The following RMND5A variants were observed in gnomAD, a reference collection of about 807,000 sequenced individuals.
The protein encoded by RMND5A is E3 ubiquitin-protein transferase RMND5A.
In RMND5A, 17 loss-of-function variants were observed where a neutral mutation model predicts 49.7. The observed-to-expected ratio is 0.34, with a 90% CI of 0.23 to 0.51. The LOEUF is 0.51. Ranked by LOEUF, RMND5A falls within the 20% of genes least tolerant of loss-of-function variation. RMND5A has a pLI of 0.96. For missense variants in RMND5A, 255 were observed against 471.3 expected, an observed-to-expected ratio of 0.54 and a Z score of 4.25; for synonymous variants, 156 against 167.7, an observed-to-expected ratio of 0.93 and a Z score of 0.54.
In RMND5A at chr2:86,775,708, C is replaced by T. The variant is rs1377082866; in HGVS notation, c.*2297C>T. The T allele has an allele frequency of 6.6e-6, 1 of 152,178 alleles. No individual in the cohort carries two copies. Among genetic ancestry groups the T allele is most frequent in the Non-Finnish European group, 1.5e-5 (1 of 68,034 alleles). 9.4% of individuals were successfully genotyped at this position (152,178 alleles called of 1,614,324 possible). A position where few individuals can be genotyped will look rare whatever the true frequency, so the allele number is the denominator to read the frequency against. ...CAGGGTGAGGACCAAAAATCTGAAA[C>T]TCTTATGAATCTGACATATTATATG... On this transcript the variant is annotated 3_prime_UTR_variant, in exon 9 of 9. Coordinates refer to ENST00000283632, the MANE Select transcript of RMND5A (RefSeq NM_022780.4).
chr2:86,740,852 A>G (rs1380846534), intron 1 of RMND5A, 75 bp from the exon 2 acceptor site: 1 of 1,491,720 alleles, frequency 6.7e-7, no homozygotes, highest in African/African-American at 1.4e-5. Context: ...TTCATGGTCC[A>G]AAAGGCCCAT....
chr2:86,775,640 G>T lies in RMND5A; in HGVS notation c.*2229G>T, dbSNP rs1041164692. On this transcript the variant is annotated 3_prime_UTR_variant, in exon 9 of 9. Coordinates refer to ENST00000283632, the MANE Select transcript of RMND5A (RefSeq NM_022780.4). Reference sequence around the variant, plus strand: ...AGAACATGCTTTAACTGAAGCATTGGACTCTGCAGCTTTCTGTGTAAGGCC... The same window carrying T: ...AGAACATGCTTTAACTGAAGCATTGTACTCTGCAGCTTTCTGTGTAAGGCC... 6.6e-6 allele frequency: 1 copy of T among 152,174 alleles called. No individual in the cohort carries two copies. The highest frequency in any genetic ancestry group is 1.5e-5 in the Non-Finnish European group (1 of 68,032). The allele number at this position is 152,174 out of a possible 1,614,324, so 9.4% of individuals were successfully genotyped here. A position where few individuals can be genotyped will look rare whatever the true frequency, so the allele number is the denominator to read the frequency against.
At chr2:86,760,514 C>G (rs375218585) in intron 4 of RMND5A, among the ~76,000 whole-genome samples, 3 of 152,224 alleles carry the variant, frequency 2.0e-5, no homozygotes, top group Non-Finnish European at 4.4e-5. Flanking sequence ...GACTTCTCTG[C>G]CAGCTCTTCA....
chr2:86,756,857 G>C (rs937222967), intron 4 of RMND5A, among the ~76,000 whole-genome samples: 1 of 152,162 alleles, frequency 6.6e-6, no homozygotes, highest in African/African-American at 2.4e-5. Context: ...TATGCGGTGA[G>C]AAGGCAGAGG....
chr2:86,747,802 A>G (rs1346525703), intron 2 of RMND5A, among the ~76,000 whole-genome samples: 1 of 152,174 alleles, frequency 6.6e-6, no homozygotes, highest in Admixed American at 6.6e-5. Flanking sequence ...TATTCATGAT[A>G]CGGCATGATA....
chr2:86,751,772 G>T (rs4832311), intron 2 of RMND5A, 124 bp from the exon 3 acceptor site: 500,871 of 751,468 alleles, frequency 0.67, 169,205 homozygotes, highest in East Asian at 0.91. Context: ...CTTCCTTTGG[G>T]ACGCTATAAA....
At chr2:86,755,112 C>CTT (rs536948355) in intron 4 of RMND5A, among the ~76,000 whole-genome samples, 17 of 141,372 alleles carry the variant, frequency 1.2e-4, no homozygotes, top group African/African-American at 3.6e-4. Context: ...GCAACAACTA[C>CTT]TTTTTTTTTT....
chr2:86,721,352 A>G (rs1361252627), intron 1 of RMND5A, among the ~76,000 whole-genome samples: 3 of 151,880 alleles, frequency 2.0e-5, no homozygotes, highest in African/African-American at 7.3e-5. Flanking sequence ...TGGGTTAACA[A>G]CAGCCGCTCC....
At chr2:86,757,473 A>G (rs1681764581) in intron 4 of RMND5A, among the ~76,000 whole-genome samples, 1 of 152,174 alleles carries the variant, frequency 6.6e-6, no homozygotes, top group Non-Finnish European at 1.5e-5. Flanking sequence ...AATAACAGTA[A>G]TCTGCAGGAG....
chr2:86,765,798 T>C, intron 5 of RMND5A, 61 bp from the exon 6 acceptor site: 2 of 1,491,622 alleles, frequency 1.3e-6, no homozygotes, highest in Non-Finnish European at 1.8e-6. Context: ...GGGGGTATTC[T>C]TGCTTTTCGC....
At chr2:86,766,516 T>G (rs13382530) in intron 6 of RMND5A, among the ~76,000 whole-genome samples, 2 of 152,060 alleles carry the variant, frequency 1.3e-5, no homozygotes, top group African/African-American at 4.8e-5. Flanking sequence ...CACAAAAAAT[T>G]AGCTGGACGT....
At chr2:86,757,174 C>CAAAAAAAA (rs60710494) in intron 4 of RMND5A, among the ~76,000 whole-genome samples, 76 of 97,936 alleles carry the variant, frequency 7.8e-4, no homozygotes, top group African/African-American at 2.2e-3. Context: ...AACTCAGTCT[C>CAAAAAAAA]AAAAAAAAAA....
At chr2:86,752,407 T>C (rs541817022) in intron 3 of RMND5A, among the ~76,000 whole-genome samples, 1 of 152,364 alleles carries the variant, frequency 6.6e-6, no homozygotes, top group East Asian at 1.9e-4. Flanking sequence ...CTAGCCCAGC[T>C]TAAACGATTT....
rs981557292 is a variant in RMND5A at position 86,773,694 on chromosome 2, T to C, written c.*283T>C. Reference sequence around the variant, plus strand: ...TTGTACTTAATTATATGGTGATTTTTTTACTTTTTAAGAGCAGAAACGGAA... The same window carrying C: ...TTGTACTTAATTATATGGTGATTTTCTTACTTTTTAAGAGCAGAAACGGAA... On this transcript the variant is annotated 3_prime_UTR_variant, in exon 9 of 9. Coordinates refer to ENST00000283632, the MANE Select transcript of RMND5A (RefSeq NM_022780.4). 9.3e-5 allele frequency: 23 copies of C among 246,874 alleles called. No homozygotes were observed. The highest frequency in any genetic ancestry group is 5.4e-5 in the Non-Finnish European group (7 of 130,016). 15.3% of individuals were successfully genotyped at this position (246,874 alleles called of 1,614,324 possible).
chr2:86,776,049 TGGTTTCTTAA>T lies in RMND5A; in HGVS notation c.*2639_*2648del, dbSNP rs1215015716. On this transcript the variant is annotated 3_prime_UTR_variant, in exon 9 of 9. Coordinates refer to ENST00000283632, the MANE Select transcript of RMND5A (RefSeq NM_022780.4). ...GTACATCAAAGGCAGAATTTCAGAATGGTTTCTTAAATTTCCTTGGGAACCGTTTCCACAT... is the reference window on the plus strand; with the variant it reads ...GTACATCAAAGGCAGAATTTCAGAATATTTCCTTGGGAACCGTTTCCACAT... 1.3e-5 allele frequency: 2 copies of T among 152,250 alleles called. No individual in the cohort carries two copies. The highest frequency in any genetic ancestry group is 2.9e-5 in the Non-Finnish European group (2 of 68,052). 9.4% of individuals were successfully genotyped at this position (152,250 alleles called of 1,614,324 possible). A position where few individuals can be genotyped will look rare whatever the true frequency, so the allele number is the denominator to read the frequency against.
At position 86,753,443 on chromosome 2, in the gene RMND5A, T is replaced by C; in HGVS notation, c.421-15T>C. 6.6e-7 allele frequency: 1 copy of C among 1,517,620 alleles called. No individual in the cohort carries two copies. The highest frequency in any genetic ancestry group is 1.1e-5 in the South Asian group (1 of 87,366). The allele number at this position is 1,517,620 out of a possible 1,614,324, so 94.0% of individuals were successfully genotyped here. ...TTACTGCTAACAAAAGTTCTTTCTT[T>C]CTTTCTTTTTCCAGGAATCTGGTCT... On this transcript the variant is annotated splice_polypyrimidine_tract_variant and intron_variant, in intron 3 of 8. Coordinates refer to ENST00000283632, the MANE Select transcript of RMND5A (RefSeq NM_022780.4).
chr2:86,763,651 C>T (rs534951698), intron 4 of RMND5A, among the ~76,000 whole-genome samples: 5 of 152,252 alleles, frequency 3.3e-5, no homozygotes, highest in Admixed American at 3.3e-4. Context: ...CAGCATACAC[C>T]TGTGGTCCTA....
At chr2:86,735,152 A>G (rs1681393515) in intron 1 of RMND5A, among the ~76,000 whole-genome samples, 1 of 152,072 alleles carries the variant, frequency 6.6e-6, no homozygotes, top group South Asian at 2.1e-4. Flanking sequence ...GTTTCTTACC[A>G]GTTTTTGTCT....
Position 86,741,088 on chromosome 2 carries a change from T to G in RMND5A, c.285+19T>G, listed in dbSNP as rs1238356170. ...TGATAAGGTATGGTATTGAAAGAAG[T>G]GTTTTGTATTTTTTAGCATCATTCT... On this transcript the variant is annotated intron_variant, in intron 2 of 8. Coordinates refer to ENST00000283632, the MANE Select transcript of RMND5A (RefSeq NM_022780.4). 1 of 1,607,584 alleles carries G rather than the reference T, an allele frequency of 6.2e-7. No individual in the cohort carries two copies. The highest frequency in any genetic ancestry group is 2.2e-5 in the East Asian group (1 of 44,742).
Sources: allele counts gnomAD v4.1 joint callset (sites outside exome capture counted in the v4.1 genomes callset), GRCh38; gene constraint gnomAD v4.1.1; transcripts MANE v1.5; gene names NCBI Gene and HGNC (gene_info 2026-07-23, HGNC 2026-07-21).